The following PSMB2 variants were observed in gnomAD, a reference collection of about 807,000 sequenced individuals.
PSMB2 encodes proteasome 20S subunit beta 2.
A neutral mutation model predicts 25.7 loss-of-function variants in PSMB2; 13 were observed. The observed-to-expected ratio is 0.51, with a 90% CI of 0.33 to 0.80. The LOEUF is 0.80. PSMB2 is among the 30% of genes least tolerant of loss of function. The pLI is 0.02. For missense variants in PSMB2, 202 were observed against 259.0 expected (o/e 0.78, Z 1.51); for synonymous variants, 87 against 96.2 (o/e 0.90, Z 0.56).
Position 35,621,470 on chromosome 1 carries a change from C to T in PSMB2, c.285+9804G>A, listed in dbSNP as rs192883471. ...GTAAGAAACCACATCCATCAGGAAG[C>T]GTCAGAAAAGGAAGTGTAGAATTCT... On this transcript the variant is annotated intron_variant, in intron 3 of 5. Coordinates refer to ENST00000373237, the MANE Select transcript of PSMB2 (RefSeq NM_002794.5). 3.3e-3 allele frequency among the ~76,000 whole-genome samples: 501 copies of T among 152,252 alleles called. 3 individuals carry two copies. The highest frequency in any genetic ancestry group is 6.8e-3 in the Middle Eastern group (2 of 294).
chr1:35,632,209 G>A (rs1651127395), intron 2 of PSMB2, among the ~76,000 whole-genome samples: 1 of 152,178 alleles, frequency 6.6e-6, no homozygotes, highest in Admixed American at 6.5e-5. Flanking sequence ...TAAAAATAGA[G>A]TATCTCAAGT....
intron 3 of PSMB2, among the ~76,000 whole-genome samples, chr1:35,628,952 A>G (rs182070371): frequency 6.1e-4 from 93 of 152,298 alleles, no homozygotes; most frequent in Non-Finnish European, 8.5e-4. Context: ...GAATAGCATC[A>G]GTGTTCTAGA....
intron 1 of PSMB2, among the ~76,000 whole-genome samples, chr1:35,639,338 A>G (rs939093527): frequency 1.3e-5 from 2 of 152,212 alleles, no homozygotes; most frequent in Non-Finnish European, 2.9e-5. Context: ...AGAAAAGACT[A>G]TAGGGAAAAT....
At chr1:35,628,596 A>AAAAATATATATATATATAT (rs59538661) in intron 3 of PSMB2, among the ~76,000 whole-genome samples, 3 of 25,108 alleles carry the variant, frequency 1.2e-4, no homozygotes, top group Non-Finnish European at 1.5e-4. Context: ...AAAAAAAAAA[A>AAAAATATATATATATATAT]ATATATATAT....
At chr1:35,629,262 AGGG>A (rs951372008) in intron 3 of PSMB2, among the ~76,000 whole-genome samples, 8 of 152,230 alleles carry the variant, frequency 5.3e-5, no homozygotes, top group African/African-American at 1.9e-4. Context: ...AAACAGGCAC[AGGG>A]GGTGAGATCA....
At chr1:35,622,635 C>T (rs982710874) in intron 3 of PSMB2, among the ~76,000 whole-genome samples, 3 of 151,862 alleles carry the variant, frequency 2.0e-5, no homozygotes, top group Non-Finnish European at 4.4e-5. Context: ...TCAATGAGCA[C>T]GGGGGTTCTC....
chr1:35,633,646 T>C (rs1406160992), intron 2 of PSMB2, among the ~76,000 whole-genome samples: 1 of 152,246 alleles, frequency 6.6e-6, no homozygotes, highest in Admixed American at 6.5e-5. Flanking sequence ...TCATTTGTTA[T>C]GCAGGCAAAA....
Position 35,640,060 on chromosome 1 carries a change from A to ATACTATACTATACTATACTATAC in PSMB2, c.91+1281_91+1282insGTATAGTATAGTATAGTATAGTA, listed in dbSNP as rs371010677. ...AGACATTTTGCCCCTAAGTACTATA[A>ATACTATACTATACTATACTATAC]TATACTATACTATACTATACTATAC... On this transcript the variant is annotated intron_variant, in intron 1 of 5. Coordinates refer to ENST00000373237, the MANE Select transcript of PSMB2 (RefSeq NM_002794.5). Among the ~76,000 whole-genome samples, 278 of 147,322 alleles carry ATACTATACTATACTATACTATAC rather than the reference A, an allele frequency of 1.9e-3. 1 individual carries two copies. The highest frequency in any genetic ancestry group is 5.3e-3 in the South Asian group (24 of 4,542).
At chr1:35,631,419 CT>C in intron 2 of PSMB2, 75 bp from the exon 3 acceptor site, 6 of 1,596,166 alleles carry the variant, frequency 3.8e-6, no homozygotes, top group Admixed American at 1.7e-5. Flanking sequence ...TTCACTACCC[CT>C]GTTCCTAAAG....
chr1:35,609,529 T>C, intron 3 of PSMB2, 121 bp from the exon 4 acceptor site: 1 of 943,550 alleles, frequency 1.1e-6, no homozygotes, highest in Non-Finnish European at 1.5e-6. Context: ...ACTGAGTAAA[T>C]CACAATGAAA....
chr1:35,640,063 T>C (rs1571145508), intron 1 of PSMB2, among the ~76,000 whole-genome samples: 1 of 147,652 alleles, frequency 6.8e-6, no homozygotes, highest in African/African-American at 2.6e-5. Context: ...TACTATAATA[T>C]ACTATACTAT....
intron 3 of PSMB2, among the ~76,000 whole-genome samples, chr1:35,627,045 G>A (rs1208321842): frequency 1.3e-5 from 2 of 151,906 alleles, no homozygotes; most frequent in Non-Finnish European, 2.9e-5. Context: ...CTACCATACT[G>A]GACTGTGTAG....
At position 35,603,247 on chromosome 1, in the gene PSMB2, G is replaced by A; in HGVS notation, c.*20C>T. 1 of 1,607,180 alleles carries A rather than the reference G, an allele frequency of 6.2e-7. No homozygotes were observed. Among genetic ancestry groups the A allele is most frequent in the East Asian group, 2.2e-5 (1 of 44,854 alleles). On this transcript the variant is annotated 3_prime_UTR_variant, in exon 6 of 6. Transcript: ENST00000373237. Reference sequence around the variant, plus strand: ...CCATCAAAAAAAAGTTCCCTGGCAAGTGGGAGGGAGGACATGATGTTAGGA... The same window carrying A: ...CCATCAAAAAAAAGTTCCCTGGCAAATGGGAGGGAGGACATGATGTTAGGA...
rs78364127 is a variant in PSMB2 at position 35,619,149 on chromosome 1, T to C, written c.286-9741A>G. ...TGCTGGCAGATCCAAAATAAAAATA[T>C]AAAAATTGTCTTTGTTTTCCTTTAA... is the stretch of plus-strand genomic sequence containing the variant. On this transcript the variant is annotated intron_variant, in intron 3 of 5. Transcript: ENST00000373237. 6.9e-3 allele frequency among the ~76,000 whole-genome samples: 1,056 copies of C among 152,342 alleles called. 11 individuals carry two copies. Among genetic ancestry groups the C allele is most frequent in the African/African-American group, 0.024 (988 of 41,566 alleles).
intron 2 of PSMB2, among the ~76,000 whole-genome samples, chr1:35,632,948 T>C (rs1291394620): frequency 6.6e-6 from 1 of 151,944 alleles, no homozygotes; most frequent in African/African-American, 2.4e-5. Flanking sequence ...CCAGGCACAG[T>C]GGCTCACACC....
At chr1:35,610,261 G>C (rs777701733) in intron 3 of PSMB2, among the ~76,000 whole-genome samples, 1 of 151,974 alleles carries the variant, frequency 6.6e-6, no homozygotes, top group Non-Finnish European at 1.5e-5. Flanking sequence ...TAACACAGTG[G>C]GACTTGGTTT....
chr1:35,606,133 G>A (rs796555016), intron 4 of PSMB2, among the ~76,000 whole-genome samples: 23 of 152,286 alleles, frequency 1.5e-4, no homozygotes, highest in African/African-American at 4.6e-4. Flanking sequence ...GGCTAAAGTC[G>A]AGGTTAGGAC....
chr1:35,615,104 C>T (rs1650455520), intron 3 of PSMB2, among the ~76,000 whole-genome samples: 1 of 152,140 alleles, frequency 6.6e-6, no homozygotes, highest in South Asian at 2.1e-4. Flanking sequence ...ACACTACCAC[C>T]ACCACTTTTA....
At chr1:35,625,054 C>G (rs1181536369) in intron 3 of PSMB2, among the ~76,000 whole-genome samples, 1 of 56,876 alleles carries the variant, frequency 1.8e-5, no homozygotes, top group Non-Finnish European at 6.3e-5. Flanking sequence ...GAGCGAAACT[C>G]CACCTCAAAA....
Sources: gnomAD v4.1 joint callset for allele counts (sites outside exome capture counted in the v4.1 genomes callset) on GRCh38, gnomAD v4.1.1 for gene constraint, MANE v1.5 for transcripts, NCBI Gene and HGNC (gene_info 2026-07-23, HGNC 2026-07-21) for gene names.